Variants in SOWAHC observed in about 807,000 individuals in gnomAD.
SOWAHC encodes sosondowah ankyrin repeat domain family member C.
Under a neutral mutation model 14.4 loss-of-function variants are expected in SOWAHC, and 12 were observed. That is an observed-to-expected ratio of 0.83 (90% CI 0.53 to 1.35). SOWAHC has a LOEUF of 1.35. SOWAHC is among the 40% of genes most tolerant of loss of function. SOWAHC has a pLI of 0.00. For synonymous variants in SOWAHC, 398 were observed against 347.0 expected (o/e 1.15, Z -1.63); for missense variants, 771 against 752.8 (o/e 1.02, Z -0.28).
At position 109,614,505 on chromosome 2, in the gene SOWAHC, G is replaced by C. The variant is rs954225570; in HGVS notation, c.16G>C (p.Glu6Gln). The change falls in exon 1 of 1, where the codon GAG becomes CAG. Residue 6 changes from glutamate (E) to glutamine (Q), a missense_variant. Transcript: ENST00000356454. The stretch of plus-strand genomic sequence containing the variant: ...GCGGTCGAGGATGGAGGGGCCGGCA[G>C]AGTGGGGCCCCGAGGCGGCGCTGGG... MEGPAEWGPEAALGPE... is the reference protein window; with the variant it reads MEGPAQWGPEAALGPE... 4.0e-6 allele frequency: 5 copies of C among 1,252,056 alleles called. No homozygotes were observed. In the African/African-American group the frequency reaches 7.8e-5, roughly 20 times the overall value. 77.6% of individuals were successfully genotyped at this position (1,252,056 alleles called of 1,614,324 possible). A position where few individuals can be genotyped will look rare whatever the true frequency, so the allele number is the denominator to read the frequency against.
rs1384844451 is a variant in SOWAHC, at chr2:109,615,155, C to T, written c.666C>T (p.Pro222=). 2.6e-6 allele frequency: 4 copies of T among 1,549,232 alleles called. No individual in the cohort carries two copies. Among genetic ancestry groups the T allele is most frequent in the East Asian group, 2.4e-5 (1 of 40,892 alleles). Reference sequence around the variant, plus strand: ...CGCAGCTGAAGAGGAGCGTGTGTCCCGGGGGCAGCAGCCCGGGCAGCTCCT... The same window carrying T: ...CGCAGCTGAAGAGGAGCGTGTGTCCTGGGGGCAGCAGCCCGGGCAGCTCCT... The part of the protein sequence containing the change: ...SSPQLKRSVC[P]GGSSPGSSSG... Residue 222 remains proline (P), a synonymous_variant, in exon 1 of 1, where the codon CCC becomes CCT. Transcript: ENST00000356454.
rs1573942728 is a variant in SOWAHC, at chr2:109,615,163, G to A, written c.674G>A (p.Ser225Asn). 2.6e-6 allele frequency: 4 copies of A among 1,548,922 alleles called. No homozygotes were observed. The highest frequency in any genetic ancestry group is 3.5e-6 in the Non-Finnish European group (4 of 1,146,716). The part of the protein sequence containing the change: ...QLKRSVCPGG[S>N]SPGSSSGGGR... Reference sequence around the variant, plus strand: ...AAGAGGAGCGTGTGTCCCGGGGGCAGCAGCCCGGGCAGCTCCTCCGGGGGA... The same window carrying A: ...AAGAGGAGCGTGTGTCCCGGGGGCAACAGCCCGGGCAGCTCCTCCGGGGGA... The change falls in exon 1 of 1, where the codon AGC becomes AAC. Residue 225 changes from serine to asparagine, a missense_variant. Ser to Asn is a conservative substitution (Grantham distance 46). Transcript: ENST00000356454.
Position 109,616,892 on chromosome 2 carries a change from AACTT to A in SOWAHC, c.*826_*829del, listed in dbSNP as rs1002788181. 6 of 167,156 alleles carry A rather than the reference AACTT, an allele frequency of 3.6e-5. No homozygotes were observed. Among genetic ancestry groups the A allele is most frequent in the Middle Eastern group, 3.4e-3 (1 of 296 alleles). 10.4% of individuals were successfully genotyped at this position (167,156 alleles called of 1,614,324 possible). ...GTTGCCTCTCTTTCGGATTCTCACT[AACTT>A]TTGTTACTATTCTAAAAGTTTGAAT... On this transcript the variant is annotated 3_prime_UTR_variant, in exon 1 of 1. Transcript: ENST00000356454.
chr2:109,615,600 A>G lies in SOWAHC; in HGVS notation c.1111A>G (p.Arg371Gly). Residue 371 changes from arginine to glycine, a missense_variant, in exon 1 of 1, where the codon AGG becomes GGG. Physicochemically the swap from Arg to Gly is moderately radical, Grantham distance 125. Coordinates refer to ENST00000356454, the MANE Select transcript of SOWAHC (RefSeq NM_023016.4). ...VGAYDADVDIRDYSGKKASQY... is the reference protein window; with the variant it reads ...VGAYDADVDIGDYSGKKASQY... ...GGCCTACGACGCCGATGTGGACATC[A>G]GGGACTACAGTGGGAAAAAGGCCTC... 6.2e-7 allele frequency: 1 copy of G among 1,613,748 alleles called. No individual in the cohort carries two copies. The highest frequency in any genetic ancestry group is 8.5e-7 in the Non-Finnish European group (1 of 1,179,646).
rs1700169864 is a variant in SOWAHC, at chr2:109,617,896, G to GT, written c.*1830dup. The GT allele has an allele frequency of 6.2e-6, 1 of 161,734 alleles. No individual in the cohort carries two copies. The highest frequency in any genetic ancestry group is 1.5e-5 in the Non-Finnish European group (1 of 68,094). The allele number at this position is 161,734 out of a possible 1,614,324, so 10.0% of individuals were successfully genotyped here. On this transcript the variant is annotated 3_prime_UTR_variant, in exon 1 of 1. Coordinates refer to ENST00000356454, the MANE Select transcript of SOWAHC (RefSeq NM_023016.4). ...TAGCCGAGCGTGGTGGTGCGTGCCT[G>GT]TAGTCCCAGCTACTTAGGAGGCTGA...
Position 109,616,985 on chromosome 2 carries a change from T to C in SOWAHC, c.*918T>C, listed in dbSNP as rs1411913648. On this transcript the variant is annotated 3_prime_UTR_variant, in exon 1 of 1. Transcript: ENST00000356454. ...TTCTATTTGGCATAACCCTATTTAA[T>C]GGTGCTTAGAGCTGAATTACCTACA... 2 of 166,966 alleles carry C rather than the reference T, an allele frequency of 1.2e-5. No individual in the cohort carries two copies. Among genetic ancestry groups the C allele is most frequent in the Non-Finnish European group, 2.9e-5 (2 of 68,110 alleles). The allele number at this position is 166,966 out of a possible 1,614,324, so 10.3% of individuals were successfully genotyped here. A position where few individuals can be genotyped will look rare whatever the true frequency, so the allele number is the denominator to read the frequency against.
In SOWAHC at chr2:109,614,801, G is replaced by A. The variant is rs1311859746; in HGVS notation, c.312G>A (p.Glu104=). 8.4e-5 allele frequency: 123 copies of A among 1,466,604 alleles called. No individual in the cohort carries two copies. Among genetic ancestry groups the A allele is most frequent in the Non-Finnish European group, 9.8e-5 (109 of 1,114,754 alleles). 90.8% of individuals were successfully genotyped at this position (1,466,604 alleles called of 1,614,324 possible). ...GAATCCAGGTGACCGCCGAGCCCGA[G>A]GCCCCCGACGGCCCTGCCGGGCCCG... ...PPRIQVTAEP[E]APDGPAGPEA... The change falls in exon 1 of 1, where the codon GAG becomes GAA. Residue 104 remains glutamate (E), a synonymous_variant. Coordinates refer to ENST00000356454, the MANE Select transcript of SOWAHC (RefSeq NM_023016.4).
Position 109,618,797 on chromosome 2 carries a change from T to A in SOWAHC, c.*2730T>A, listed in dbSNP as rs975062088. The A allele has an allele frequency of 6.6e-5, 11 of 167,128 alleles. No individual in the cohort carries two copies. In the South Asian group the frequency reaches 1.9e-3, roughly 28 times the overall value. 10.4% of individuals were successfully genotyped at this position (167,128 alleles called of 1,614,324 possible). A position where few individuals can be genotyped will look rare whatever the true frequency, so the allele number is the denominator to read the frequency against. ...AAGGTACACTTGAAACTAGTGAGTG[T>A]TTGTCACATTTCACTTTCATGGTAT... On this transcript the variant is annotated 3_prime_UTR_variant, in exon 1 of 1. Transcript: ENST00000356454.
At position 109,615,364 on chromosome 2, in the gene SOWAHC, G is replaced by C. The variant is rs1333522700; in HGVS notation, c.875G>C (p.Gly292Ala). 1.2e-6 allele frequency: 2 copies of C among 1,612,932 alleles called. No homozygotes were observed. The highest frequency in any genetic ancestry group is 1.3e-5 in the African/African-American group (1 of 75,072). ...SLEGLLTCEP[G>A]LLVKRDFITG... ...GAGGGCTTGCTCACCTGCGAGCCCG[G>C]CCTGCTGGTCAAGCGGGACTTCATT... Residue 292 changes from glycine to alanine, a missense_variant, in exon 1 of 1, where the codon GGC (glycine) becomes GCC (alanine). Transcript: ENST00000356454.
Position 109,614,546 on chromosome 2 carries a change from G to A in SOWAHC, c.57G>A (p.Leu19=). The A allele has an allele frequency of 7.6e-7, 1 of 1,318,220 alleles. No homozygotes were observed. The allele number at this position is 1,318,220 out of a possible 1,614,324, so 81.7% of individuals were successfully genotyped here. The change falls in exon 1 of 1, where the codon CTG becomes CTA. Residue 19 remains leucine (L), a synonymous_variant. Coordinates refer to ENST00000356454, the MANE Select transcript of SOWAHC (RefSeq NM_023016.4). ...PEAALGPEAV[L]RFLAERGGRA... ...CGGCGCTGGGCCCCGAGGCGGTGCTGCGCTTCCTGGCGGAGCGCGGGGGCC... is the reference window on the plus strand; with the variant it reads ...CGGCGCTGGGCCCCGAGGCGGTGCTACGCTTCCTGGCGGAGCGCGGGGGCC...
In SOWAHC at chr2:109,615,909, A is replaced by G; in HGVS notation, c.1420A>G (p.Lys474Glu). The G allele has an allele frequency of 6.2e-7, 1 of 1,610,458 alleles. No individual in the cohort carries two copies. The highest frequency in any genetic ancestry group is 8.5e-7 in the Non-Finnish European group (1 of 1,178,458). Residue 474 changes from lysine to glutamate, a missense_variant, in exon 1 of 1, where the codon AAA (lysine) becomes GAA (glutamate). Physicochemically the swap from Lys to Glu is moderately conservative, Grantham distance 56 (BLOSUM62 1). Coordinates refer to ENST00000356454, the MANE Select transcript of SOWAHC (RefSeq NM_023016.4). The stretch of plus-strand genomic sequence containing the variant: ...TGGACGTATAAAACCCAGACTCAAC[A>G]AAATCCGATTCAGAACCCAGATCGT... ...SSGRIKPRLNKIRFRTQIVHT... is the reference protein window; with the variant it reads ...SSGRIKPRLNEIRFRTQIVHT...
In SOWAHC at chr2:109,615,707, G is replaced by C; in HGVS notation, c.1218G>C (p.Ala406=). ...ACGAGGGTGACGGGGAAAGCGCCGC[G>C]GGTAGCGGCGGCGGGCGCTGGAGGC... ...ALDEGDGESA[A]GSGGGRWRLS... The change falls in exon 1 of 1, where the codon GCG becomes GCC. Residue 406 remains alanine, a synonymous_variant. Coordinates refer to ENST00000356454, the MANE Select transcript of SOWAHC (RefSeq NM_023016.4). 1.2e-6 allele frequency: 2 copies of C among 1,613,658 alleles called. No homozygotes were observed. Among genetic ancestry groups the C allele is most frequent in the Non-Finnish European group, 1.7e-6 (2 of 1,179,734 alleles).
Position 109,615,486 on chromosome 2 carries a change from A to G in SOWAHC, c.997A>G (p.Asn333Asp), listed in dbSNP as rs780889695. ...CGCCAACAAACACCAGCTGCCGGTG[A>G]ACATCGACGCCAGGACGAGCGGGGG... ...NFANKHQLPV[N>D]IDARTSGGYT... The change falls in exon 1 of 1, where the codon AAC becomes GAC. Residue 333 changes from asparagine (N) to aspartate (D), a missense_variant. Transcript: ENST00000356454. 6.2e-7 allele frequency: 1 copy of G among 1,613,602 alleles called. No individual in the cohort carries two copies. Among genetic ancestry groups the G allele is most frequent in the Admixed American group, 1.7e-5 (1 of 60,034 alleles).
At position 109,617,423 on chromosome 2, in the gene SOWAHC, T is replaced by A. The variant is rs1399644045; in HGVS notation, c.*1356T>A. 1 of 167,144 alleles carries A rather than the reference T, an allele frequency of 6.0e-6. No individual in the cohort carries two copies. Among genetic ancestry groups the A allele is most frequent in the East Asian group, 1.9e-4 (1 of 5,202 alleles). The allele number at this position is 167,144 out of a possible 1,614,324, so 10.4% of individuals were successfully genotyped here. On this transcript the variant is annotated 3_prime_UTR_variant, in exon 1 of 1. Coordinates refer to ENST00000356454, the MANE Select transcript of SOWAHC (RefSeq NM_023016.4). ...GGTTCTTAATTACATTTCATTCATT[T>A]ATATTAGAGTAAATGGCTTCATAAC... is the stretch of plus-strand genomic sequence containing the variant.
rs1573947136 is a variant in SOWAHC at position 109,617,968 on chromosome 2, C to A, written c.*1901C>A. 1 of 157,878 alleles carries A rather than the reference C, an allele frequency of 6.3e-6. No homozygotes were observed. 9.8% of individuals were successfully genotyped at this position (157,878 alleles called of 1,614,324 possible). The stretch of plus-strand genomic sequence containing the variant: ...TGAGAGGTGGAGGTTGCAGTTGAGC[C>A]AAGATCACGACACTGCACTCCAGCC... On this transcript the variant is annotated 3_prime_UTR_variant, in exon 1 of 1. Coordinates refer to ENST00000356454, the MANE Select transcript of SOWAHC (RefSeq NM_023016.4).
chr2:109,615,983 G>A lies in SOWAHC; in HGVS notation c.1494G>A (p.Arg498=), dbSNP rs146665390. The stretch of plus-strand genomic sequence containing the variant: ...ACCCAGAGCAGCCGCTGGAGGGCAG[G>A]GGGGAGGAGGGAGTGGGGGAGGAAC... The part of the protein sequence containing the change: ...FRDPEQPLEG[R]GEEGVGEERP... Residue 498 remains arginine (R), a synonymous_variant, in exon 1 of 1, where the codon AGG becomes AGA. Transcript: ENST00000356454. 6.1e-5 allele frequency: 95 copies of A among 1,555,686 alleles called. No homozygotes were observed. In the Admixed American group the frequency reaches 7.9e-4, roughly 13 times the overall value.
In SOWAHC at chr2:109,617,644, C is replaced by T. The variant is rs1700166840; in HGVS notation, c.*1577C>T. 6.0e-6 allele frequency: 1 copy of T among 166,960 alleles called. No homozygotes were observed. Among genetic ancestry groups the T allele is most frequent in the Admixed American group, 6.5e-5 (1 of 15,276 alleles). 10.3% of individuals were successfully genotyped at this position (166,960 alleles called of 1,614,324 possible). On this transcript the variant is annotated 3_prime_UTR_variant, in exon 1 of 1. Coordinates refer to ENST00000356454, the MANE Select transcript of SOWAHC (RefSeq NM_023016.4). Reference sequence around the variant, plus strand: ...TGAATGAACCCATGTGTGAACTGCACAGAGCAATTCATAGAAAATGCATAG... The same window carrying T: ...TGAATGAACCCATGTGTGAACTGCATAGAGCAATTCATAGAAAATGCATAG...
At position 109,616,261 on chromosome 2, in the gene SOWAHC, C is replaced by T. The variant is rs927498330; in HGVS notation, c.*194C>T. The T allele has an allele frequency of 1.6e-5, 13 of 836,374 alleles. No individual in the cohort carries two copies. The African/African-American group carries it at 2.3e-4, about 15-fold the overall frequency. 51.8% of individuals were successfully genotyped at this position (836,374 alleles called of 1,614,324 possible). ...ATGTCTTTTTCAGAGATTCATCATA[C>T]CTTGACCTGTACCTCTTCTCTGCCC... On this transcript the variant is annotated 3_prime_UTR_variant, in exon 1 of 1. Transcript: ENST00000356454.
Position 109,616,378 on chromosome 2 carries a change from T to G in SOWAHC, c.*311T>G. ...GAATGAATTAATGAATGAGAGTTCC[T>G]TTGCTTTAACCATTCCTGGATGCCT... On this transcript the variant is annotated 3_prime_UTR_variant, in exon 1 of 1. Coordinates refer to ENST00000356454, the MANE Select transcript of SOWAHC (RefSeq NM_023016.4). The G allele has an allele frequency of 9.1e-6, 2 of 219,094 alleles. No homozygotes were observed. The highest frequency in any genetic ancestry group is 1.9e-5 in the Non-Finnish European group (2 of 103,890). 13.6% of individuals were successfully genotyped at this position (219,094 alleles called of 1,614,324 possible).
Sources: gnomAD v4.1 joint callset for allele counts on GRCh38, gnomAD v4.1.1 for gene constraint, MANE v1.5 for transcripts, NCBI Gene and HGNC (gene_info 2026-07-23, HGNC 2026-07-21) for gene names.